Variants in FHIT observed in about 807,000 individuals in gnomAD.
FHIT encodes fragile histidine triad diadenosine triphosphatase.
In FHIT, 19 loss-of-function variants were observed where a neutral mutation model predicts 17.9. The observed-to-expected ratio is 1.06, with a 90% CI of 0.74 to 1.56. The LOEUF (loss-of-function observed/expected upper bound fraction) is 1.56. Ranked by LOEUF, FHIT falls within the 40% of genes most tolerant of loss-of-function variation. The pLI is 0.00. For missense variants in FHIT, 248 were observed against 189.2 expected (o/e 1.31, Z -1.82); for synonymous variants, 81 against 69.7 (o/e 1.16, Z -0.81).
intron 1 of FHIT, among the ~76,000 whole-genome samples, chr3:61,228,918 G>C (rs1418004728): frequency 1.3e-5 from 2 of 152,172 alleles, no homozygotes; most frequent in African/African-American, 4.8e-5. Flanking sequence ...GCAAGGCAAA[G>C]GAGATACAGC....
intron 5 of FHIT, among the ~76,000 whole-genome samples, chr3:60,346,964 A>C (rs1448054089): frequency 6.6e-6 from 1 of 152,202 alleles, no homozygotes; most frequent in East Asian, 1.9e-4. Flanking sequence ...AATTTCTTCT[A>C]TCAGGCGTAT....
intron 5 of FHIT, among the ~76,000 whole-genome samples, chr3:60,290,079 T>A (rs1176597251): frequency 2.0e-5 from 3 of 152,198 alleles, no homozygotes; most frequent in African/African-American, 7.2e-5. Flanking sequence ...ATGCTATGCG[T>A]GGCTTTCCAA....
intron 5 of FHIT, among the ~76,000 whole-genome samples, chr3:60,490,786 T>C (rs1367790666): frequency 2.0e-5 from 3 of 152,116 alleles, no homozygotes; most frequent in Middle Eastern, 3.2e-3. Context: ...GCCCTTCACA[T>C]GATTTAACAA....
rs557362947 is a variant in FHIT at position 60,381,142 on chromosome 3, C to A, written c.103+155718G>T. Among the ~76,000 whole-genome samples the A allele has an allele frequency of 2.6e-5, 4 of 152,222 alleles. No individual in the cohort carries two copies. The South Asian group carries it at 8.3e-4, about 32-fold the overall frequency. ...ATTCCCGCGATTAGCCCCAAAGATGCCTCCCCAATTTAGCAGAAGTATATT... is the reference window on the plus strand; with the variant it reads ...ATTCCCGCGATTAGCCCCAAAGATGACTCCCCAATTTAGCAGAAGTATATT... On this transcript the variant is annotated intron_variant, in intron 5 of 9. Coordinates refer to ENST00000492590, the MANE Select transcript of FHIT (RefSeq NM_002012.4).
intron 8 of FHIT, among the ~76,000 whole-genome samples, chr3:59,768,051 A>C (rs6803872): frequency 3.9e-4 from 60 of 152,198 alleles, no homozygotes; most frequent in African/African-American, 1.3e-3. Context: ...GAATTGCTTG[A>C]GTCTTCTGCC....
intron 5 of FHIT, among the ~76,000 whole-genome samples, chr3:60,242,623 CT>C (rs1347269045): frequency 6.6e-6 from 1 of 151,734 alleles, no homozygotes; most frequent in Admixed American, 6.6e-5. Flanking sequence ...ACCTCTTCAC[CT>C]CTTCCCATCA....
At chr3:60,694,624 T>C (rs1215172174) in intron 4 of FHIT, among the ~76,000 whole-genome samples, 2 of 152,222 alleles carry the variant, frequency 1.3e-5, no homozygotes, top group Admixed American at 6.5e-5. Context: ...CATATGTTTA[T>C]TGCGGCACTA....
chr3:61,248,929 A>G (rs1576294483), intron 1 of FHIT, among the ~76,000 whole-genome samples: 1 of 152,240 alleles, frequency 6.6e-6, no homozygotes, highest in Admixed American at 6.5e-5. Flanking sequence ...GAGTTAGATT[A>G]GATTATTTAT....
intron 3 of FHIT, among the ~76,000 whole-genome samples, chr3:60,886,162 T>C (rs1705213902): frequency 6.6e-6 from 1 of 152,178 alleles, no homozygotes. Flanking sequence ...TTATCTGGGG[T>C]TTATTTGACA....
chr3:60,450,582 G>A (rs954209681), intron 5 of FHIT, among the ~76,000 whole-genome samples: 13 of 152,146 alleles, frequency 8.5e-5, no homozygotes, highest in African/African-American at 1.7e-4. Flanking sequence ...ATAATGCAGA[G>A]CAGGAAGAGA....
chr3:60,375,129 A>C (rs2687161), intron 5 of FHIT, among the ~76,000 whole-genome samples: 102,675 of 150,706 alleles, frequency 0.68, 35,623 homozygotes, highest in African/African-American at 0.82. Context: ...AAAACAAAAA[A>C]CAAAAAAAAC....
intron 3 of FHIT, among the ~76,000 whole-genome samples, chr3:60,988,113 A>G (rs2029870470): frequency 6.6e-6 from 1 of 152,232 alleles, no homozygotes; most frequent in Non-Finnish European, 1.5e-5. Context: ...TGCTTTAAAA[A>G]TCAGATGTTT....
chr3:60,380,880 C>T (rs1332832203), intron 5 of FHIT, among the ~76,000 whole-genome samples: 1 of 152,174 alleles, frequency 6.6e-6, no homozygotes, highest in Non-Finnish European at 1.5e-5. Flanking sequence ...GCTTTACAAG[C>T]ATTTATAAAT....
chr3:59,788,290 A>G (rs1230589498), intron 8 of FHIT, among the ~76,000 whole-genome samples: 2 of 152,170 alleles, frequency 1.3e-5, no homozygotes, highest in African/African-American at 4.8e-5. Flanking sequence ...CCTCAATTGA[A>G]TCATCCTGAC....
chr3:61,234,875 A>G (rs1470169432), intron 1 of FHIT, among the ~76,000 whole-genome samples: 1 of 152,230 alleles, frequency 6.6e-6, no homozygotes, highest in Non-Finnish European at 1.5e-5. Context: ...GCTGTAAGCT[A>G]AGCTACAGAA....
chr3:60,309,184 C>A lies in FHIT; in HGVS notation c.103+227676G>T, dbSNP rs556181406. Among the ~76,000 whole-genome samples the A allele has an allele frequency of 7.2e-4, 110 of 152,036 alleles. 1 individual carries two copies. Among genetic ancestry groups the A allele is most frequent in the South Asian group, 1.7e-3 (8 of 4,806 alleles). ...AACTAAACACCAGCTCTGCTTGCAG[C>A]GGAAGGTTTGGAACCATTTATCTTG... On this transcript the variant is annotated intron_variant, in intron 5 of 9. Coordinates refer to ENST00000492590, the MANE Select transcript of FHIT (RefSeq NM_002012.4).
chr3:59,926,903 A>G (rs1285272349), intron 7 of FHIT, among the ~76,000 whole-genome samples: 1 of 152,188 alleles, frequency 6.6e-6, no homozygotes, highest in Non-Finnish European at 1.5e-5. Context: ...TTACTTTGGA[A>G]AACAGTTTGG....
chr3:60,355,745 C>A (rs1427608017), intron 5 of FHIT, among the ~76,000 whole-genome samples: 1 of 151,468 alleles, frequency 6.6e-6, no homozygotes, highest in Non-Finnish European at 1.5e-5. Flanking sequence ...TTTATCTTGA[C>A]AAATAGATGA....
intron 4 of FHIT, among the ~76,000 whole-genome samples, chr3:60,801,367 G>A (rs1553732209): frequency 1.3e-5 from 2 of 152,202 alleles, no homozygotes; most frequent in Non-Finnish European, 2.9e-5. Flanking sequence ...GGTTTCCACA[G>A]CGACAGCCCT....
Sources: gnomAD v4.1 joint callset for allele counts (sites outside exome capture counted in the v4.1 genomes callset) on GRCh38, gnomAD v4.1.1 for gene constraint, MANE v1.5 for transcripts, NCBI Gene and HGNC (gene_info 2026-07-23, HGNC 2026-07-21) for gene names.